The following TPPP variants were observed in gnomAD, a reference collection of about 807,000 sequenced individuals.
TPPP encodes tubulin polymerization promoting protein.
TPPP carries 6 observed loss-of-function variants against 15.5 expected under a neutral mutation model. The observed-to-expected ratio is 0.39, with a 90% CI of 0.21 to 0.77. The LOEUF (loss-of-function observed/expected upper bound fraction) is 0.77. Ranked by LOEUF, TPPP falls within the 30% of genes least tolerant of loss-of-function variation. TPPP has a pLI of 0.42. For missense variants in TPPP, 269 were observed against 307.2 expected, an observed-to-expected ratio of 0.88 and a Z score of 0.93; for synonymous variants, 146 against 133.9, an observed-to-expected ratio of 1.09 and a Z score of -0.63.
At position 677,954 on chromosome 5, in the gene TPPP, T is replaced by A; in HGVS notation, c.107A>T (p.Glu36Val). The change falls in exon 2 of 4, where the codon GAG (glutamate) becomes GTG (valine). Residue 36 changes from glutamate to valine, a missense_variant. By Grantham distance (121) the Glu-to-Val change is moderately radical. Transcript: ENST00000360578. Reference protein sequence around the residue: ...RAAKRLSLESEGAGEGAAASP... With the variant: ...RAAKRLSLESVGAGEGAAASP... ...TGCGGCTGCCCCCTCACCAGCACCC[T>A]CCGATTCCAGCGACAGCCTCTTGGC... The A allele has an allele frequency of 6.2e-7, 1 of 1,611,418 alleles. No homozygotes were observed.
chr5:663,004 A>T lies in TPPP; in HGVS notation c.*2098T>A, dbSNP rs1192690325. ...ATGACTGCTCGTCTGTGATCGGGCG[A>T]GTCTGGTGACCGCTCGTCTGTGATC... On this transcript the variant is annotated 3_prime_UTR_variant, in exon 4 of 4. Coordinates refer to ENST00000360578, the MANE Select transcript of TPPP (RefSeq NM_007030.3). The T allele has an allele frequency of 3.4e-5, 5 of 148,622 alleles. No homozygotes were observed. Among genetic ancestry groups the T allele is most frequent in the Admixed American group, 2.6e-4 (4 of 15,142 alleles). 9.2% of individuals were successfully genotyped at this position (148,622 alleles called of 1,614,324 possible). A position where few individuals can be genotyped will look rare whatever the true frequency, so the allele number is the denominator to read the frequency against.
chr5:678,486 G>A (rs1181641939), intron 1 of TPPP, among the ~76,000 whole-genome samples: 2 of 144,452 alleles, frequency 1.4e-5, no homozygotes, highest in East Asian at 1.9e-4. Flanking sequence ...CCGCTCTGCA[G>A]CTCTGGAGGA....
chr5:675,352 GTGGGGGTGTGCAGTGTGGC>G (rs1478801810), intron 2 of TPPP, among the ~76,000 whole-genome samples: 34 of 98,552 alleles, frequency 3.4e-4, no homozygotes, highest in Non-Finnish European at 5.6e-4. Flanking sequence ...GGGGTGCAGT[GTGGGGGTGTGCAGTGTGGC>G]CGGGGGTGCA....
chr5:671,367 CCTT>C (rs1284031936), intron 2 of TPPP, among the ~76,000 whole-genome samples: 13 of 152,210 alleles, frequency 8.5e-5, no homozygotes, highest in African/African-American at 2.9e-4. Context: ...AGGGGCCCGA[CCTT>C]CTCTAGGGGG....
chr5:667,885 G>A lies in TPPP; in HGVS notation c.312-1762C>T, dbSNP rs1429177068. The stretch of plus-strand genomic sequence containing the variant: ...AGGGAAGTACCGACAAGCACACAGA[G>A]AGGGGGCCGTGTGGGCGCCGTCAGG... On this transcript the variant is annotated intron_variant, in intron 2 of 3. Coordinates refer to ENST00000360578, the MANE Select transcript of TPPP (RefSeq NM_007030.3). Among the ~76,000 whole-genome samples, 5 of 89,098 alleles carry A rather than the reference G, an allele frequency of 5.6e-5. No individual in the cohort carries two copies. In the East Asian group the frequency reaches 1.6e-3, roughly 28 times the overall value. The allele number at this position is 89,098 out of a possible 152,430, so 58.5% of individuals were successfully genotyped here. A position where few individuals can be genotyped will look rare whatever the true frequency, so the allele number is the denominator to read the frequency against.
chr5:667,269 A>T (rs543923147), intron 2 of TPPP: 1 of 152,248 alleles, frequency 6.6e-6, no homozygotes, highest in Non-Finnish European at 1.5e-5. Flanking sequence ...TGGCTCAGCC[A>T]CATGCATGCT....
At chr5:677,726 G>A (rs751456642) in intron 2 of TPPP, 24 bp downstream of exon 2, 9 of 1,521,692 alleles carry the variant, frequency 5.9e-6, no homozygotes, top group South Asian at 2.5e-5. Flanking sequence ...CAGGTCCCTC[G>A]GCCCGTGAGC....
At chr5:681,613 C>T (rs926011902) in intron 1 of TPPP, among the ~76,000 whole-genome samples, 5 of 152,200 alleles carry the variant, frequency 3.3e-5, no homozygotes, top group African/African-American at 1.2e-4. Flanking sequence ...CTGGCCAGAC[C>T]CTATGGGACC....
At chr5:685,569 G>A (rs889633109) in intron 1 of TPPP, among the ~76,000 whole-genome samples, 2 of 152,218 alleles carry the variant, frequency 1.3e-5, no homozygotes, top group African/African-American at 2.4e-5. Context: ...GGGAGCAGGG[G>A]CTGCATGGCC....
intron 2 of TPPP, among the ~76,000 whole-genome samples, chr5:675,197 A>G (rs411881): frequency 9.8e-5 from 4 of 40,952 alleles, no homozygotes; most frequent in Non-Finnish European, 1.3e-4. Flanking sequence ...CGGTGTGGCC[A>G]GGGGTTCAGT....
chr5:694,022 G>A (rs79180448), upstream of TPPP, among the ~76,000 whole-genome samples: 77,257 of 124,612 alleles, frequency 0.62, 21,131 homozygotes, highest in Non-Finnish European at 0.69. Flanking sequence ...CTTCACGCAG[G>A]AGTGGAGGAG....
intron 2 of TPPP, among the ~76,000 whole-genome samples, chr5:669,810 C>T (rs1006002756): frequency 2.6e-5 from 4 of 152,216 alleles, no homozygotes; most frequent in Non-Finnish European, 2.9e-5. Context: ...GGGTGCCCCC[C>T]GCCTGGGGCA....
At chr5:675,428 C>T (rs1474711203) in intron 2 of TPPP, among the ~76,000 whole-genome samples, 11 of 73,776 alleles carry the variant, frequency 1.5e-4, no homozygotes, top group Non-Finnish European at 3.0e-4. Flanking sequence ...GCCAGGGGTG[C>T]AGCACGGTGG....
At chr5:697,390 G>A (rs544087466), upstream of TPPP, among the ~76,000 whole-genome samples, 12 of 150,936 alleles carry the variant, frequency 8.0e-5, no homozygotes, top group African/African-American at 2.4e-4. Context: ...AGAAAGATGC[G>A]GGGACACGGC....
In TPPP at chr5:677,993, G is replaced by T; in HGVS notation, c.68C>A (p.Ser23Ter). The T allele has an allele frequency of 6.2e-7, 1 of 1,607,858 alleles. No individual in the cohort carries two copies. The highest frequency in any genetic ancestry group is 8.5e-7 in the Non-Finnish European group (1 of 1,177,686). The change falls in exon 2 of 4, where the codon TCG (serine) becomes TAG (stop). Residue 23 changes from serine to a stop codon, truncating the protein, a stop_gained. Coordinates refer to ENST00000360578, the MANE Select transcript of TPPP (RefSeq NM_007030.3). LOFTEE classifies it high-confidence loss of function. The part of the protein sequence containing the change: ...RTPPKSPGDP[S>*]KDRAAKRLSL... The stretch of plus-strand genomic sequence containing the variant: ...CAGCCTCTTGGCTGCCCGGTCCTTC[G>T]AGGGGTCCCCCGGGGACTTGGGGGG...
chr5:697,608 C>T (rs1440369954), upstream of TPPP, among the ~76,000 whole-genome samples: 1 of 151,990 alleles, frequency 6.6e-6, no homozygotes, highest in Non-Finnish European at 1.5e-5. Context: ...TCTGTAAAGC[C>T]GAGATGGCTC....
At chr5:673,081 G>A (rs1037981676) in intron 2 of TPPP, among the ~76,000 whole-genome samples, 9 of 152,058 alleles carry the variant, frequency 5.9e-5, no homozygotes, top group African/African-American at 2.2e-4. Flanking sequence ...ACTTCCTCAC[G>A]GTCCCCAAGC....
rs1175103647 is a variant in TPPP at position 664,273 on chromosome 5, C to T, written c.*829G>A. The T allele has an allele frequency of 2.0e-5, 3 of 152,458 alleles. No individual in the cohort carries two copies. The highest frequency in any genetic ancestry group is 4.8e-5 in the African/African-American group (2 of 41,452). The allele number at this position is 152,458 out of a possible 1,614,324, so 9.4% of individuals were successfully genotyped here. A position where few individuals can be genotyped will look rare whatever the true frequency, so the allele number is the denominator to read the frequency against. ...CGAGGAGTGTCTCGGCACTTCGTGT[C>T]TCTTGCCTGGCAACACCACAGGGAC... On this transcript the variant is annotated 3_prime_UTR_variant, in exon 4 of 4. Coordinates refer to ENST00000360578, the MANE Select transcript of TPPP (RefSeq NM_007030.3).
At chr5:692,074 G>A (rs1740893935) in intron 1 of TPPP, among the ~76,000 whole-genome samples, 2 of 57,442 alleles carry the variant, frequency 3.5e-5, no homozygotes, top group African/African-American at 1.4e-4. Flanking sequence ...CAAAACAGCA[G>A]CCCCCCTAAG....
Sources: gnomAD v4.1 joint callset for allele counts (sites outside exome capture counted in the v4.1 genomes callset) on GRCh38, gnomAD v4.1.1 for gene constraint, MANE v1.5 for transcripts, NCBI Gene and HGNC (gene_info 2026-07-23, HGNC 2026-07-21) for gene names.